Variants in TTC23L observed in about 807,000 individuals in gnomAD.
The protein encoded by TTC23L is tetratricopeptide repeat domain 23 like, also known as tetratricopeptide repeat protein 23-like.
A neutral mutation model predicts 48.1 loss-of-function variants in TTC23L; 42 were observed. That is an observed-to-expected ratio of 0.87 (90% CI 0.68 to 1.13). The LOEUF is 1.13. Ranked by LOEUF, TTC23L falls within the 50% of genes most tolerant of loss-of-function variation. The pLI is 0.00. For missense variants in TTC23L, 391 were observed against 421.0 expected (o/e 0.93, Z 0.62); for synonymous variants, 159 against 157.2 (o/e 1.01, Z -0.09).
the TTC23L span, chr5:34,915,618 G>A: frequency 1.6e-6 from 2 of 1,253,504 alleles, no homozygotes; most frequent in South Asian, 1.7e-5. Flanking sequence ...GGAAGGAGGC[G>A]GCACAGACCT....
At chr5:34,881,692 G>A (rs1025759183) in intron 9 of TTC23L, among the ~76,000 whole-genome samples, 2 of 150,760 alleles carry the variant, frequency 1.3e-5, no homozygotes, top group Non-Finnish European at 2.9e-5. Context: ...ATTGCCATTT[G>A]TAAAGACAAA....
the TTC23L span, chr5:34,914,498 C>T: frequency 1.7e-6 from 1 of 597,858 alleles, no homozygotes. Flanking sequence ...GAATTTGTTA[C>T]CGGGAGAGAA....
At chr5:34,877,644 G>A (rs956584244) in intron 8 of TTC23L, among the ~76,000 whole-genome samples, 20 of 151,938 alleles carry the variant, frequency 1.3e-4, no homozygotes, top group African/African-American at 3.1e-4. Flanking sequence ...GGCTGGTCTC[G>A]AACTCCTGAC....
intron 8 of TTC23L, among the ~76,000 whole-genome samples, chr5:34,873,711 C>T (rs1016095263): frequency 7.2e-5 from 11 of 152,076 alleles, no homozygotes; most frequent in Admixed American, 3.3e-4. Flanking sequence ...AATGAGCTCT[C>T]CCCACATCCC....
At chr5:34,924,716 C>A in the TTC23L span, 2 of 561,210 alleles carry the variant, frequency 3.6e-6, no homozygotes, top group South Asian at 6.4e-5. Flanking sequence ...TGCCATTTAC[C>A]AAGTTTCACC....
At chr5:34,872,065 G>A (rs978050542) in intron 8 of TTC23L, among the ~76,000 whole-genome samples, 2 of 151,534 alleles carry the variant, frequency 1.3e-5, no homozygotes, top group Admixed American at 6.6e-5. Context: ...ATCACTTGAA[G>A]CCAGGAATTT....
chr5:34,873,138 G>A (rs1273160148), intron 8 of TTC23L, among the ~76,000 whole-genome samples: 1 of 151,136 alleles, frequency 6.6e-6, no homozygotes, highest in Non-Finnish European at 1.5e-5. Context: ...AAAGTATTAA[G>A]GAAAAACAGT....
At chr5:34,864,507 G>A (rs770134802) in exon 6 of TTC23L, 1 of 1,613,864 alleles carries the variant, frequency 6.2e-7, no homozygotes, top group Admixed American at 1.7e-5. Flanking sequence ...ATTATATAAA[G>A]GAGGTGTTTG....
the TTC23L span, among the ~76,000 whole-genome samples, chr5:34,917,643 C>CA: frequency 6.6e-6 from 1 of 151,940 alleles, no homozygotes; most frequent in Non-Finnish European, 1.5e-5. Flanking sequence ...CCATCTCAAA[C>CA]AAACAAACAA....
At chr5:34,918,479 C>G in the TTC23L span, 2 of 1,541,704 alleles carry the variant, frequency 1.3e-6, no homozygotes, top group South Asian at 1.2e-5. Flanking sequence ...AAAGCAGGTG[C>G]CTTTATATCA....
At chr5:34,915,929 G>A in the TTC23L span, 6 of 1,508,624 alleles carry the variant, frequency 4.0e-6, no homozygotes, top group Non-Finnish European at 5.3e-6. Context: ...CTACACCTGC[G>A]GCGGCGGCTC....
intron 4 of TTC23L, among the ~76,000 whole-genome samples, chr5:34,857,275 T>C (rs1438151501): frequency 2.0e-5 from 3 of 152,160 alleles, no homozygotes; most frequent in Non-Finnish European, 2.9e-5. Flanking sequence ...AAGGAAAATA[T>C]GGTAACGTGG....
At chr5:34,858,314 A>G (rs1163471819) in intron 4 of TTC23L, among the ~76,000 whole-genome samples, 2 of 152,200 alleles carry the variant, frequency 1.3e-5, no homozygotes, top group Non-Finnish European at 2.9e-5. Context: ...TTTTTACATG[A>G]AAGAGGACGT....
intron 4 of TTC23L, among the ~76,000 whole-genome samples, chr5:34,854,258 T>C (rs1759933071): frequency 6.6e-6 from 1 of 152,164 alleles, no homozygotes; most frequent in Non-Finnish European, 1.5e-5. Context: ...TTTTCCTAGA[T>C]GGGAAAGGCA....
At chr5:34,887,362 A>G (rs1269971317) in intron 9 of TTC23L, among the ~76,000 whole-genome samples, 1 of 152,192 alleles carries the variant, frequency 6.6e-6, no homozygotes. Context: ...TCTGAGGATA[A>G]GAAATGAGAT....
At chr5:34,895,389 G>A (rs919086081) in intron 9 of TTC23L, among the ~76,000 whole-genome samples, 1 of 152,172 alleles carries the variant, frequency 6.6e-6, no homozygotes, top group African/African-American at 2.4e-5. Flanking sequence ...ACTGTTAAGT[G>A]CTCAATAAAT....
At chr5:34,918,140 C>CAA in the TTC23L span, 4,370 of 102,378 alleles carry the variant, frequency 0.043, 2 homozygotes, top group Middle Eastern at 0.075. Context: ...CCCATCTCTA[C>CAA]AAAAAAAAAA....
the TTC23L span, chr5:34,915,474 C>G: frequency 2.5e-6 from 1 of 397,536 alleles, no homozygotes; most frequent in Non-Finnish European, 4.5e-6. Context: ...TGAAGAGGAG[C>G]GAGGCGGCTC....
rs551823375 is a variant in TTC23L at position 34,889,521 on chromosome 5, C to G, written c.1078-7249C>G. 4.6e-5 allele frequency among the ~76,000 whole-genome samples: 7 copies of G among 152,260 alleles called. No individual in the cohort carries two copies. The East Asian group carries it at 9.7e-4, about 21-fold the overall frequency. ...ACATTGAGCCCTCCTATCCACACCC[C>G]CTTCAGTCAGAGCCACACCTGAGGT... On this transcript the variant is annotated intron_variant, in intron 9 of 10. Transcript: ENST00000505624.
Sources: allele counts gnomAD v4.1 joint callset (sites outside exome capture counted in the v4.1 genomes callset), GRCh38; gene constraint gnomAD v4.1.1; transcripts MANE v1.5; gene names NCBI Gene and HGNC (gene_info 2026-07-23, HGNC 2026-07-21).